ZFAT: variants seen among roughly 807,000 people sequenced by gnomAD.
The protein encoded by ZFAT is zinc finger and AT-hook domain containing.
Under a neutral mutation model 117.7 loss-of-function variants are expected in ZFAT, and 64 were observed. The ratio of observed to expected loss-of-function variants is 0.54; its 90% CI spans 0.44 to 0.67. ZFAT has a LOEUF of 0.67. Ranked by LOEUF, ZFAT falls within the 30% of genes least tolerant of loss-of-function variation. ZFAT has a pLI of 0.00. For missense variants in ZFAT, 1,433 were observed against 1,584.5 expected (o/e 0.90, Z 1.62); for synonymous variants, 679 against 615.0 (o/e 1.10, Z -1.54).
chr8:134,478,191 TGAAGGTGTG>T lies in ZFAT; in HGVS notation c.*282_*290del. The T allele has an allele frequency of 2.5e-6, 1 of 392,828 alleles. No individual in the cohort carries two copies. Among genetic ancestry groups the T allele is most frequent in the South Asian group, 5.3e-5 (1 of 18,736 alleles). The allele number at this position is 392,828 out of a possible 1,614,324, so 24.3% of individuals were successfully genotyped here. A position where few individuals can be genotyped will look rare whatever the true frequency, so the allele number is the denominator to read the frequency against. On this transcript the variant is annotated 3_prime_UTR_variant, in exon 16 of 16. Transcript: ENST00000377838. The surrounding 1 kb of genome is among the most constrained non-coding windows in gnomAD (Gnocchi z 5.2). ...TCTGTTTGAATCTTGAAGCAAGGGG[TGAAGGTGTG>T]GGGTGTGTGTAGGGGAGCTGACACT...
chr8:134,719,464 G>T, the ZFAT span, among the ~76,000 whole-genome samples: 1 of 152,272 alleles, frequency 6.6e-6, no homozygotes, highest in Admixed American at 6.5e-5. Context: ...AGCAGCGAGG[G>T]TGAGAGCCAA....
chr8:134,790,817 C>T, the ZFAT span, among the ~76,000 whole-genome samples: 1 of 152,042 alleles, frequency 6.6e-6, no homozygotes, highest in Admixed American at 6.6e-5. Context: ...GAGTTCGAGA[C>T]CAGCTCGGGC....
At chr8:134,761,336 T>C in the ZFAT span, among the ~76,000 whole-genome samples, 1 of 151,896 alleles carries the variant, frequency 6.6e-6, no homozygotes, top group African/African-American at 2.4e-5. Context: ...TCTAGAGTTA[T>C]GACAGTGGAA....
chr8:134,712,816 GT>G, intron 1 of ZFAT, 28 bp downstream of exon 1: 32 of 400,086 alleles, frequency 8.0e-5, no homozygotes, highest in Non-Finnish European at 1.1e-4. Flanking sequence ...CCCCCACCCC[GT>G]CTCACCCCAA....
intron 1 of ZFAT, among the ~76,000 whole-genome samples, chr8:134,709,580 C>T (rs2131370299): frequency 6.6e-6 from 1 of 152,294 alleles, no homozygotes; most frequent in South Asian, 2.1e-4. Context: ...TAACTCTAGG[C>T]TAAATCTCTT....
chr8:134,709,271 G>A (rs1424524572), intron 1 of ZFAT, among the ~76,000 whole-genome samples: 1 of 152,212 alleles, frequency 6.6e-6, no homozygotes, highest in Non-Finnish European at 1.5e-5. Context: ...AATGTACTGA[G>A]CTGTACACTG....
chr8:134,722,680 G>A, the ZFAT span, among the ~76,000 whole-genome samples: 2,928 of 152,298 alleles, frequency 0.019, 83 homozygotes, highest in African/African-American at 0.065. Flanking sequence ...CACACCACAG[G>A]ATAAGCATTG....
At chr8:134,714,031 T>C (rs1019726798), upstream of ZFAT, among the ~76,000 whole-genome samples, 2 of 29,558 alleles carry the variant, frequency 6.8e-5, no homozygotes, top group Non-Finnish European at 1.5e-4. Flanking sequence ...ACAGTAGTCA[T>C]ATAAAGTTTT....
At chr8:134,670,802 A>G (rs929305808) in intron 1 of ZFAT, among the ~76,000 whole-genome samples, 2 of 152,254 alleles carry the variant, frequency 1.3e-5, no homozygotes, top group East Asian at 1.9e-4. Context: ...CAAAAACTCA[A>G]TGAATCCAGG....
chr8:134,515,157 A>G (rs1184109939), intron 13 of ZFAT, among the ~76,000 whole-genome samples: 1 of 152,208 alleles, frequency 6.6e-6, no homozygotes, highest in Non-Finnish European at 1.5e-5. Context: ...TTATGGCTGC[A>G]TAGTATTCCA....
intron 3 of ZFAT, among the ~76,000 whole-genome samples, chr8:134,616,239 C>G (rs187422608): frequency 3.9e-5 from 6 of 152,278 alleles, no homozygotes; most frequent in African/African-American, 1.4e-4. Context: ...TCTGGTGTGT[C>G]GTAGATGCTC....
At chr8:134,814,707 T>C in the ZFAT span, among the ~76,000 whole-genome samples, 738 of 152,356 alleles carry the variant, frequency 4.8e-3, 6 homozygotes, top group Non-Finnish European at 7.2e-3. Flanking sequence ...AGCTTGCCTT[T>C]ATCATATGAT....
the ZFAT span, among the ~76,000 whole-genome samples, chr8:134,746,661 A>G: frequency 1.1e-3 from 175 of 152,246 alleles, no homozygotes; most frequent in African/African-American, 4.1e-3. Context: ...TGAATCTCCA[A>G]TGCAGTGTCT....
At chr8:134,518,403 G>C (rs1263171504) in intron 13 of ZFAT, among the ~76,000 whole-genome samples, 1 of 152,192 alleles carries the variant, frequency 6.6e-6, no homozygotes, top group Non-Finnish European at 1.5e-5. Flanking sequence ...CAACGTATGA[G>C]AGCAGATTTC....
chr8:134,632,482 A>AT (rs1829953522), intron 3 of ZFAT, among the ~76,000 whole-genome samples: 1 of 152,214 alleles, frequency 6.6e-6, no homozygotes, highest in Non-Finnish European at 1.5e-5. Flanking sequence ...AGTCAACTAT[A>AT]TAACTGCCTT....
chr8:134,581,858 G>C (rs1353733517), intron 10 of ZFAT, among the ~76,000 whole-genome samples: 1 of 152,164 alleles, frequency 6.6e-6, no homozygotes, highest in East Asian at 1.9e-4. Context: ...CCAAAGTGCT[G>C]GGATTATAGG....
chr8:134,739,539 G>A, the ZFAT span, among the ~76,000 whole-genome samples: 25 of 152,286 alleles, frequency 1.6e-4, no homozygotes, highest in Admixed American at 5.9e-4. Context: ...CCATGCTGAA[G>A]TGTTGGAAGG....
intron 11 of ZFAT, among the ~76,000 whole-genome samples, chr8:134,541,360 C>T (rs768777052): frequency 2.9e-4 from 44 of 152,138 alleles, no homozygotes; most frequent in Non-Finnish European, 5.1e-4. Flanking sequence ...TACACGAACA[C>T]GCTCAGCCCC....
In ZFAT at chr8:134,602,392, T is replaced by C. The variant is rs1827561475; in HGVS notation, c.1327A>G (p.Lys443Glu). The change falls in exon 6 of 16, where the codon AAG becomes GAG. Residue 443 changes from lysine to glutamate, a missense_variant. Around this residue, in one of 5 missense-constraint regions of ZFAT, gnomAD observed 73 missense variants for 122.0 expected, o/e 0.60. Coordinates refer to ENST00000377838, the MANE Select transcript of ZFAT (RefSeq NM_020863.4). ...ACATGCAGTTCCAGCGCCTGGTACTTGGTGGCCCCATGGCCACAGAGCTCA... is the reference window on the plus strand; with the variant it reads ...ACATGCAGTTCCAGCGCCTGGTACTCGGTGGCCCCATGGCCACAGAGCTCA... ...ACELCGHGAT[K>E]YQALELHVRK... 6.2e-7 allele frequency: 1 copy of C among 1,613,744 alleles called. No individual in the cohort carries two copies.
Sources: allele counts gnomAD v4.1 joint callset (sites outside exome capture counted in the v4.1 genomes callset), GRCh38; gene constraint gnomAD v4.1.1; regional missense constraint gnomAD v4.1.1; non-coding constraint Gnocchi (gnomAD v3.1); transcripts MANE v1.5; gene names NCBI Gene and HGNC (gene_info 2026-07-23, HGNC 2026-07-21).